Variants in FBXW10 observed in about 807,000 individuals in gnomAD.
FBXW10 encodes F-box and WD repeat domain containing 10.
A neutral mutation model predicts 113.1 loss-of-function variants in FBXW10; 68 were observed. The ratio of observed to expected loss-of-function variants is 0.60; its 90% CI spans 0.49 to 0.74. FBXW10 has a LOEUF of 0.74. Ranked by LOEUF, FBXW10 falls within the 30% of genes least tolerant of loss-of-function variation. The pLI, the probability that FBXW10 is intolerant of heterozygous loss-of-function variation, is 0.00. For missense variants in FBXW10, 753 were observed against 1,284.5 expected (o/e 0.59, Z 6.32); for synonymous variants, 289 against 481.6 (o/e 0.60, Z 5.24).
chr17:18,770,861 A>G (rs917308705), intron 11 of FBXW10, among the ~76,000 whole-genome samples: 3 of 152,182 alleles, frequency 2.0e-5, no homozygotes, highest in Non-Finnish European at 2.9e-5. Context: ...AACCAGTACC[A>G]TGACTGACTG....
In FBXW10 at chr17:18,772,436, T is replaced by C. The variant is rs1444397491; in HGVS notation, c.2031T>C (p.Asn677=). 7 of 1,614,016 alleles carry C rather than the reference T, an allele frequency of 4.3e-6. No individual in the cohort carries two copies. The highest frequency in any genetic ancestry group is 1.1e-5 in the South Asian group (1 of 91,080). ...GNRMVVNTES[N]VLMFQFEHIK... ...GGATGGTGGTCAACACAGAGAGCAA[T>C]GTTCTCATGTTCCAGTTTGAGCACA... is the stretch of plus-strand genomic sequence containing the variant. Residue 677 remains asparagine (N), a synonymous_variant, in exon 12 of 14, where the codon AAT becomes AAC. Transcript: ENST00000395665.
chr17:18,773,078 A>G (rs1439179894), intron 12 of FBXW10, among the ~76,000 whole-genome samples: 1 of 151,282 alleles, frequency 6.6e-6, no homozygotes, highest in East Asian at 1.9e-4. Context: ...ACAGGCATGC[A>G]CCACCACGAC....
chr17:18,745,045 T>A (rs965626204), intron 1 of FBXW10: 3 of 1,303,564 alleles, frequency 2.3e-6, no homozygotes, highest in African/African-American at 3.0e-5. Flanking sequence ...AAATGGCTGG[T>A]CCCTGCCCCT....
chr17:18,769,372 G>A (rs904426103), intron 10 of FBXW10: 1 of 152,902 alleles, frequency 6.5e-6, no homozygotes, highest in Non-Finnish European at 1.5e-5. Context: ...TGTGACATCA[G>A]CCTTTTTGTT....
At position 18,765,826 on chromosome 17, in the gene FBXW10, A is replaced by C. The variant is rs112251084; in HGVS notation, c.1556-888A>C. On this transcript the variant is annotated intron_variant, in intron 8 of 13. Transcript: ENST00000395665. ...ACTGCAACCTCTGCCTCCCGGGTTC[A>C]AGTGATTCTCCTGCCTCAGCCTCCC... Among the ~76,000 whole-genome samples the C allele has an allele frequency of 7.1e-3, 1,079 of 151,936 alleles. 16 individuals are homozygous for C. The highest frequency in any genetic ancestry group is 0.024 in the African/African-American group (1,001 of 41,410).
Position 18,778,575 on chromosome 17 carries a change from T to A in FBXW10, c.2436T>A (p.Pro812=). ...AGTCTTGGAAAATCCCTATGTCACCTGACCAATTCCTCCTGACTGTTAGCG... is the reference window on the plus strand; with the variant it reads ...AGTCTTGGAAAATCCCTATGTCACCAGACCAATTCCTCCTGACTGTTAGCG... ...KKKSWKIPMS[P]DQFLLTVSAL... The change falls in exon 14 of 14, where the codon CCT becomes CCA. Residue 812 remains proline (P), a synonymous_variant. Transcript: ENST00000395665. The A allele has an allele frequency of 6.2e-7, 1 of 1,614,028 alleles. No homozygotes were observed. Among genetic ancestry groups the A allele is most frequent in the Non-Finnish European group, 8.5e-7 (1 of 1,179,872 alleles).
intron 5 of FBXW10, among the ~76,000 whole-genome samples, chr17:18,753,736 T>TG (rs2035210972): frequency 6.6e-6 from 1 of 151,982 alleles, no homozygotes; most frequent in Non-Finnish European, 1.5e-5. Context: ...TAGCCAGGCA[T>TG]GGTGGTGCAT....
At position 18,772,707 on chromosome 17, in the gene FBXW10, G is replaced by A. The variant is rs955405843; in HGVS notation, c.2278+24G>A. 10 of 1,599,134 alleles carry A rather than the reference G, an allele frequency of 6.3e-6. No homozygotes were observed. The African/African-American group carries it at 8.1e-5, about 13-fold the overall frequency. On this transcript the variant is annotated intron_variant, in intron 12 of 13. Coordinates refer to ENST00000395665, the MANE Select transcript of FBXW10 (RefSeq NM_001267585.2). ...AGGTAAAAAACTGAAATACCAGCAA[G>A]TTCAGTGATAACCCACAGAGCAGGT...
At position 18,750,100 on chromosome 17, in the gene FBXW10, C is replaced by T. The variant is rs779830992; in HGVS notation, c.962C>T (p.Ala321Val). 6 of 1,611,734 alleles carry T rather than the reference C, an allele frequency of 3.7e-6. No individual in the cohort carries two copies. The highest frequency in any genetic ancestry group is 1.3e-5 in the African/African-American group (1 of 74,752). The change falls in exon 4 of 14, where the codon GCG becomes GTG. Residue 321 changes from alanine to valine, a missense_variant. By Grantham distance (64) the Ala-to-Val change is moderately conservative (BLOSUM62 0). Coordinates refer to ENST00000395665, the MANE Select transcript of FBXW10 (RefSeq NM_001267585.2). ...MAQQVKMDLS[A>V]HGFIQNQITF... ...CAACAGGTCAAGATGGACTTGTCAG[C>T]GCACGGCTTCATTCAGAACCAGATT... is the stretch of plus-strand genomic sequence containing the variant.
intron 1 of FBXW10, among the ~76,000 whole-genome samples, chr17:18,746,938 T>C (rs1236456444): frequency 6.6e-6 from 1 of 150,414 alleles, no homozygotes; most frequent in Non-Finnish European, 1.5e-5. Context: ...TTTTTTTTTT[T>C]TGAGACAGAG....
chr17:18,750,554 C>T (rs917591991), intron 4 of FBXW10, among the ~76,000 whole-genome samples: 1 of 152,090 alleles, frequency 6.6e-6, no homozygotes, highest in Non-Finnish European at 1.5e-5. Flanking sequence ...TCCCCAATGG[C>T]AATCTTCTCC....
intron 10 of FBXW10, among the ~76,000 whole-genome samples, chr17:18,769,082 C>G (rs188744084): frequency 2.6e-5 from 4 of 151,498 alleles, no homozygotes; most frequent in Admixed American, 2.6e-4. Context: ...ACTACAGGCG[C>G]CCACCACCAC....
rs945084826 is a variant in FBXW10 at position 18,750,870 on chromosome 17, G to A, written c.1000-61G>A. 51 of 1,556,066 alleles carry A rather than the reference G, an allele frequency of 3.3e-5. No individual in the cohort carries two copies. The East Asian group carries it at 8.2e-4, about 25-fold the overall frequency. On this transcript the variant is annotated intron_variant, in intron 4 of 13. Transcript: ENST00000395665. ...GTTTTTCCCTTCCTCCTGCAGAGTT[G>A]GAGCCAAGAGAAGCCATTTTCTGTT...
chr17:18,748,143 G>A (rs1201416695), intron 2 of FBXW10, 38 bp downstream of exon 2: 3 of 1,612,086 alleles, frequency 1.9e-6, no homozygotes, highest in African/African-American at 2.7e-5. Flanking sequence ...ATATGGGCTA[G>A]GTGCGGTGGC....
In FBXW10 at chr17:18,744,239, A is replaced by C; in HGVS notation, c.-6A>C. The C allele has an allele frequency of 7.1e-7, 1 of 1,402,296 alleles. No individual in the cohort carries two copies. The highest frequency in any genetic ancestry group is 1.2e-5 in the South Asian group (1 of 80,924). 86.9% of individuals were successfully genotyped at this position (1,402,296 alleles called of 1,614,324 possible). A position where few individuals can be genotyped will look rare whatever the true frequency, so the allele number is the denominator to read the frequency against. Reference sequence around the variant, plus strand: ...AGGGCTAAAATGGACTGGTTATCTTAGGATCATGGAAAACCTGGAATCAAG... The same window carrying C: ...AGGGCTAAAATGGACTGGTTATCTTCGGATCATGGAAAACCTGGAATCAAG... On this transcript the variant is annotated 5_prime_UTR_variant, in exon 1 of 14. It removes the in-frame stop codon of an upstream open reading frame in the 5' UTR. Coordinates refer to ENST00000395665, the MANE Select transcript of FBXW10 (RefSeq NM_001267585.2).
intron 2 of FBXW10, 36 bp downstream of exon 2, chr17:18,748,141 T>C (rs1444612431): frequency 2.5e-6 from 4 of 1,612,694 alleles, no homozygotes; most frequent in Non-Finnish European, 3.4e-6. Context: ...CAATATGGGC[T>C]AGGTGCGGTG....
chr17:18,777,973 G>A lies in FBXW10; in HGVS notation c.2336-502G>A, dbSNP rs371814695. On this transcript the variant is annotated intron_variant, in intron 13 of 13. Transcript: ENST00000395665. The stretch of plus-strand genomic sequence containing the variant: ...TTATTAAAAACTTGTTTTATTGGCC[G>A]GCTGCGGTGGCTCATGCCTGTAATC... Among the ~76,000 whole-genome samples the A allele has an allele frequency of 1.7e-3, 255 of 151,812 alleles. 1 individual carries two copies. The highest frequency in any genetic ancestry group is 6.0e-3 in the African/African-American group (247 of 41,364).
rs1371243498 is a variant in FBXW10, at chr17:18,744,842, T to C, written c.505+93T>C. On this transcript the variant is annotated intron_variant, in intron 1 of 13. Coordinates refer to ENST00000395665, the MANE Select transcript of FBXW10 (RefSeq NM_001267585.2). ...TAAGGAACTGCAGTTGTAGACAACA[T>C]AGGTAGACAGAGATTGCACAGAACT... The C allele has an allele frequency of 2.6e-6, 4 of 1,549,100 alleles. No homozygotes were observed. In the Admixed American group the frequency reaches 6.1e-5, roughly 24 times the overall value.
At chr17:18,759,061 T>G (rs958037649) in intron 7 of FBXW10, among the ~76,000 whole-genome samples, 1 of 151,916 alleles carries the variant, frequency 6.6e-6, no homozygotes, top group Admixed American at 6.6e-5. Context: ...TCCCAGCTAC[T>G]CGGGACGCTG....
Sources: gnomAD v4.1 joint callset for allele counts (sites outside exome capture counted in the v4.1 genomes callset) on GRCh38, gnomAD v4.1.1 for gene constraint, MANE v1.5 for transcripts, NCBI Gene and HGNC (gene_info 2026-07-23, HGNC 2026-07-21) for gene names.